LRMDA: variants seen among roughly 807,000 people sequenced by gnomAD.
LRMDA encodes leucine-rich melanocyte differentiation-associated protein.
Under a neutral mutation model 29.8 loss-of-function variants are expected in LRMDA, and 18 were observed. The observed-to-expected ratio is 0.60, with a 90% confidence interval of 0.42 to 0.90. The LOEUF is 0.90. Among genes scored for constraint, LRMDA ranks in the 40% least tolerant of loss-of-function variants. LRMDA has a pLI of 0.00. For synonymous variants in LRMDA, 125 were observed against 109.4 expected, an observed-to-expected ratio of 1.14 and a Z score of -0.89; for missense variants, 273 against 273.9, an observed-to-expected ratio of 1.00 and a Z score of 0.02.
chr10:76,103,885 C>T (rs1412062847), intron 5 of LRMDA, among the ~76,000 whole-genome samples: 1 of 151,938 alleles, frequency 6.6e-6, no homozygotes, highest in Non-Finnish European at 1.5e-5. Flanking sequence ...CCTGCCTCTA[C>T]TAAAAATACA....
In LRMDA at chr10:76,456,187, A is replaced by G. The variant is rs549328265; in HGVS notation, c.602-101022A>G. Among the ~76,000 whole-genome samples the G allele has an allele frequency of 1.1e-4, 17 of 152,292 alleles. No homozygotes were observed. The East Asian group carries it at 2.7e-3, about 24-fold the overall frequency. On this transcript the variant is annotated intron_variant, in intron 6 of 6. Transcript: ENST00000611255. ...AATAGCCAGATTCAATTTCAGCATT[A>G]TGGTTTGAGCAAGGGCCTGGCTTCT...
At chr10:75,797,037 A>G (rs1293418606) in intron 2 of LRMDA, among the ~76,000 whole-genome samples, 2 of 152,122 alleles carry the variant, frequency 1.3e-5, no homozygotes, top group African/African-American at 4.8e-5. Context: ...GAGTTTGTGT[A>G]ATTTTGGGTT....
intron 2 of LRMDA, among the ~76,000 whole-genome samples, chr10:75,630,141 T>C (rs899291214): frequency 3.9e-5 from 6 of 152,366 alleles, no homozygotes; most frequent in Middle Eastern, 6.8e-3. Context: ...GGGTGATCCC[T>C]TCTCGTGGAG....
chr10:75,872,246 T>G lies in LRMDA; in HGVS notation c.132-163762T>G. Among the ~76,000 whole-genome samples, 2 of 152,168 alleles carry G rather than the reference T, an allele frequency of 1.3e-5. 1 individual carries two copies. On this transcript the variant is annotated intron_variant, in intron 2 of 6. Transcript: ENST00000611255. ...GTTGAAAGACTGAGAGAACATCTCA[T>G]TATGTTTCCAGACATTCTGGGGCCT...
intron 2 of LRMDA, among the ~76,000 whole-genome samples, chr10:75,692,138 G>A (rs1355618894): frequency 6.7e-6 from 1 of 149,832 alleles, no homozygotes; most frequent in Non-Finnish European, 1.5e-5. Flanking sequence ...GGAGTTCAAG[G>A]CTAAAGTGAG....
At chr10:75,551,540 G>T (rs371492544) in intron 2 of LRMDA, among the ~76,000 whole-genome samples, 1 of 151,330 alleles carries the variant, frequency 6.6e-6, no homozygotes, top group African/African-American at 2.4e-5. Flanking sequence ...GTGTCCATGT[G>T]TTCTAATTGT....
At position 75,712,796 on chromosome 10, in the gene LRMDA, C is replaced by T. The variant is rs113595886; in HGVS notation, c.131+274302C>T. 1.1e-3 allele frequency among the ~76,000 whole-genome samples: 164 copies of T among 150,828 alleles called. 2 individuals carry two copies. The highest frequency in any genetic ancestry group is 3.4e-3 in the Middle Eastern group (1 of 294). ...TCTGCCAGGCTTTCTTTTTCAGCGTCCCCCCACCCCCAGCCCCCCAACTAC... is the reference window on the plus strand; with the variant it reads ...TCTGCCAGGCTTTCTTTTTCAGCGTTCCCCCACCCCCAGCCCCCCAACTAC... On this transcript the variant is annotated intron_variant, in intron 2 of 6. Transcript: ENST00000611255.
At chr10:76,297,654 A>G (rs1205143594) in intron 5 of LRMDA, among the ~76,000 whole-genome samples, 5 of 152,162 alleles carry the variant, frequency 3.3e-5, no homozygotes, top group African/African-American at 7.2e-5. Flanking sequence ...TTCTTCCTGG[A>G]AAGTAGAATC....
intron 2 of LRMDA, among the ~76,000 whole-genome samples, chr10:75,917,450 T>TA (rs1227018588): frequency 6.6e-6 from 1 of 152,180 alleles, no homozygotes; most frequent in Non-Finnish European, 1.5e-5. Context: ...GCATGGCCAG[T>TA]AGGCCTTAGG....
At chr10:75,713,993 T>C (rs1842468434) in intron 2 of LRMDA, among the ~76,000 whole-genome samples, 1 of 152,156 alleles carries the variant, frequency 6.6e-6, no homozygotes, top group Non-Finnish European at 1.5e-5. Flanking sequence ...GAGGCAGGTA[T>C]TTTTCTTGTG....
intron 6 of LRMDA, among the ~76,000 whole-genome samples, chr10:76,515,852 T>C (rs1239257509): frequency 6.6e-6 from 1 of 152,176 alleles, no homozygotes; most frequent in Non-Finnish European, 1.5e-5. Flanking sequence ...TTATTGTTAG[T>C]GCATTTCTGG....
At chr10:76,385,321 A>G (rs990547182) in intron 6 of LRMDA, among the ~76,000 whole-genome samples, 1 of 152,170 alleles carries the variant, frequency 6.6e-6, no homozygotes, top group African/African-American at 2.4e-5. Flanking sequence ...CTTCCTAAAC[A>G]GTCTAAGGGA....
At chr10:76,077,945 T>C (rs536538120) in intron 5 of LRMDA, among the ~76,000 whole-genome samples, 1 of 150,488 alleles carries the variant, frequency 6.6e-6, no homozygotes, top group South Asian at 2.1e-4. Context: ...TTGGCCTGGA[T>C]ATATTCAACT....
intron 5 of LRMDA, among the ~76,000 whole-genome samples, chr10:76,279,031 C>T (rs1181753314): frequency 2.0e-5 from 3 of 152,068 alleles, no homozygotes; most frequent in Admixed American, 1.3e-4. Context: ...ACTGCAAGGT[C>T]CTTGGGGATA....
At chr10:75,518,795 G>A (rs1027294277) in intron 2 of LRMDA, among the ~76,000 whole-genome samples, 7 of 152,068 alleles carry the variant, frequency 4.6e-5, no homozygotes, top group East Asian at 1.9e-4. Flanking sequence ...TGTGATGTTA[G>A]GGTGTCGATT....
rs1554824994 is a variant in LRMDA, at chr10:75,772,877, G to GGGC, written c.132-263130_132-263129insGCG. ...TTTTGGGGGGGGTGGGATGGGGGGG[G>GGGC]GCAGATTAATCAGGGATGTATGGAT... On this transcript the variant is annotated intron_variant, in intron 2 of 6. Transcript: ENST00000611255. 5.2e-3 allele frequency among the ~76,000 whole-genome samples: 657 copies of GGGC among 125,248 alleles called. 6 individuals carry two copies. The highest frequency in any genetic ancestry group is 0.017 in the Middle Eastern group (4 of 236). 82.2% of individuals were successfully genotyped at this position (125,248 alleles called of 152,430 possible). A position where few individuals can be genotyped will look rare whatever the true frequency, so the allele number is the denominator to read the frequency against.
chr10:76,365,388 C>T (rs1324458073), intron 6 of LRMDA, among the ~76,000 whole-genome samples: 2 of 152,162 alleles, frequency 1.3e-5, no homozygotes, highest in Middle Eastern at 3.4e-3. Context: ...GTTCCCTGTT[C>T]ACTGCATCCA....
At chr10:75,632,702 G>T (rs1841339082) in intron 2 of LRMDA, among the ~76,000 whole-genome samples, 1 of 151,260 alleles carries the variant, frequency 6.6e-6, no homozygotes, top group Non-Finnish European at 1.5e-5. Context: ...AGTGTAGGGA[G>T]AGCCTGTGTC....
chr10:76,275,477 T>C (rs1840119735), intron 5 of LRMDA, among the ~76,000 whole-genome samples: 1 of 152,166 alleles, frequency 6.6e-6, no homozygotes, highest in African/African-American at 2.4e-5. Flanking sequence ...AATATTACTG[T>C]CTTTATTTCC....
Sources: gnomAD v4.1 joint callset for allele counts (sites outside exome capture counted in the v4.1 genomes callset) on GRCh38, gnomAD v4.1.1 for gene constraint, MANE v1.5 for transcripts, NCBI Gene and HGNC (gene_info 2026-07-23, HGNC 2026-07-21) for gene names.